The following FSTL4 variants were observed in gnomAD, a reference collection of about 807,000 sequenced individuals.
FSTL4 encodes the protein follistatin-related protein 4.
FSTL4 carries 28 observed loss-of-function variants against 78.2 expected under a neutral mutation model. That is an observed-to-expected ratio of 0.36 (90% CI 0.27 to 0.49). The LOEUF (loss-of-function observed/expected upper bound fraction) is 0.49, where lower values mean the gene tolerates loss of function less well. Among genes scored for constraint, FSTL4 ranks in the 20% least tolerant of loss-of-function variants. FSTL4 has a pLI of 0.98. For synonymous variants in FSTL4, 422 were observed against 440.5 expected (o/e 0.96, Z 0.53); for missense variants, 922 against 1,084.9 (o/e 0.85, Z 2.11).
At chr5:133,698,222 A>AC in the FSTL4 span, among the ~76,000 whole-genome samples, 53,114 of 151,902 alleles carry the variant, frequency 0.35, 10,167 homozygotes, top group African/African-American at 0.51. Flanking sequence ...AGCAAGCAGC[A>AC]CCCCCAGAGA....
the FSTL4 span, among the ~76,000 whole-genome samples, chr5:133,786,079 A>G: frequency 4.6e-5 from 7 of 152,132 alleles, no homozygotes; most frequent in Admixed American, 1.3e-4. Context: ...AGCATCCCCA[A>G]CTGGGCCCTT....
the FSTL4 span, among the ~76,000 whole-genome samples, chr5:133,804,433 G>A: frequency 1.3e-5 from 2 of 152,190 alleles, no homozygotes; most frequent in East Asian, 1.9e-4. Flanking sequence ...ATCACACCAA[G>A]CAAGGATAAG....
At chr5:133,727,502 G>A in the FSTL4 span, among the ~76,000 whole-genome samples, 2 of 152,336 alleles carry the variant, frequency 1.3e-5, no homozygotes, top group East Asian at 1.9e-4. Flanking sequence ...GGGCTGTGGT[G>A]TGAGGCTAAC....
At chr5:133,355,588 G>A (rs1210498142) in intron 4 of FSTL4, among the ~76,000 whole-genome samples, 1 of 152,120 alleles carries the variant, frequency 6.6e-6, no homozygotes, top group African/African-American at 2.4e-5. Flanking sequence ...CCTGGGAGGC[G>A]GAGGTTGTGG....
At chr5:133,753,989 G>C in the FSTL4 span, among the ~76,000 whole-genome samples, 1 of 152,226 alleles carries the variant, frequency 6.6e-6, no homozygotes, top group South Asian at 2.1e-4. Context: ...ATGGCTGTGA[G>C]TGTTAGCATA....
intron 3 of FSTL4, among the ~76,000 whole-genome samples, chr5:133,535,202 G>C (rs1186580919): frequency 1.3e-5 from 2 of 152,222 alleles, no homozygotes; most frequent in Admixed American, 6.5e-5. Flanking sequence ...TCAGCATCCT[G>C]ATCTTGGACT....
At chr5:133,302,658 C>T (rs535883992) in intron 6 of FSTL4, among the ~76,000 whole-genome samples, 2 of 152,262 alleles carry the variant, frequency 1.3e-5, no homozygotes, top group South Asian at 2.1e-4. Flanking sequence ...GGTGCCAAAC[C>T]GAGGGGTGAC....
chr5:133,718,116 G>A, the FSTL4 span, among the ~76,000 whole-genome samples: 2 of 149,858 alleles, frequency 1.3e-5, no homozygotes, highest in African/African-American at 4.9e-5. Context: ...TTTTTGAGAT[G>A]GAGTCTCACT....
chr5:133,275,651 C>T (rs1752867001), intron 6 of FSTL4: 1 of 151,872 alleles, frequency 6.6e-6, no homozygotes, highest in African/African-American at 2.4e-5. Context: ...CCCTGTGTGA[C>T]TACACATGTC....
At chr5:133,704,101 A>T in the FSTL4 span, among the ~76,000 whole-genome samples, 1 of 152,104 alleles carries the variant, frequency 6.6e-6, no homozygotes, top group African/African-American at 2.4e-5. Context: ...GGAAGAGGTT[A>T]TCATCTCCAC....
intron 2 of FSTL4, chr5:133,574,885 G>C (rs1027088011): frequency 2.0e-5 from 3 of 152,088 alleles, no homozygotes; most frequent in Admixed American, 1.3e-4. Flanking sequence ...ACCAATCTCT[G>C]ATGACAGATG....
At chr5:133,443,759 C>T (rs1240542251) in intron 3 of FSTL4, among the ~76,000 whole-genome samples, 1 of 152,176 alleles carries the variant, frequency 6.6e-6, no homozygotes, top group African/African-American at 2.4e-5. Context: ...CATAGGAGGC[C>T]CCATCCCATC....
intron 7 of FSTL4, among the ~76,000 whole-genome samples, chr5:133,245,258 A>T (rs1233750119): frequency 1.3e-5 from 2 of 150,910 alleles, no homozygotes; most frequent in African/African-American, 5.0e-5. Flanking sequence ...GAAGTTAGAG[A>T]GGAGGAAGAC....
intron 6 of FSTL4, among the ~76,000 whole-genome samples, chr5:133,290,493 C>A (rs1027360242): frequency 4.6e-5 from 7 of 152,216 alleles, no homozygotes; most frequent in African/African-American, 1.7e-4. Context: ...CCCAGCAGGC[C>A]AGCAGCCTTG....
chr5:133,818,948 TAC>T, the FSTL4 span, among the ~76,000 whole-genome samples: 14 of 131,738 alleles, frequency 1.1e-4, no homozygotes, highest in Admixed American at 3.7e-4. Context: ...TATATATATG[TAC>T]ACACACACAC....
chr5:133,269,820 C>T (rs191783218), intron 6 of FSTL4, among the ~76,000 whole-genome samples: 61 of 152,318 alleles, frequency 4.0e-4, no homozygotes, highest in Middle Eastern at 3.4e-3. Context: ...CACTGCAGCT[C>T]GGACCCTTAT....
At chr5:133,570,721 A>G (rs1760136653) in intron 2 of FSTL4, among the ~76,000 whole-genome samples, 1 of 152,224 alleles carries the variant, frequency 6.6e-6, no homozygotes, top group South Asian at 2.1e-4. Context: ...ATAAAAGTGG[A>G]ATTAAAAAAA....
intron 3 of FSTL4, among the ~76,000 whole-genome samples, chr5:133,540,903 T>C (rs989382569): frequency 2.0e-5 from 3 of 152,090 alleles, no homozygotes; most frequent in Non-Finnish European, 4.4e-5. Flanking sequence ...CATCCAGGGT[T>C]CTTCCATCCA....
At chr5:133,523,335 C>T (rs1029917466) in intron 3 of FSTL4, among the ~76,000 whole-genome samples, 8 of 152,302 alleles carry the variant, frequency 5.3e-5, no homozygotes, top group African/African-American at 1.9e-4. Context: ...TTTGTCATGG[C>T]AGCCCAAGTA....
Sources: allele counts gnomAD v4.1 joint callset (sites outside exome capture counted in the v4.1 genomes callset), GRCh38; gene constraint gnomAD v4.1.1; transcripts MANE v1.5; gene names NCBI Gene and HGNC (gene_info 2026-07-23, HGNC 2026-07-21).